Variants in EHMT1 observed in about 807,000 individuals in gnomAD.
EHMT1 encodes the protein euchromatic histone lysine methyltransferase 1.
In EHMT1, 15 loss-of-function variants were observed where a neutral mutation model predicts 147.2. The observed-to-expected ratio is 0.10, with a 90% CI of 0.07 to 0.16. The LOEUF (loss-of-function observed/expected upper bound fraction) is 0.16, where lower values mean the gene tolerates loss of function less well. Among genes scored for constraint, EHMT1 ranks in the 10% least tolerant of loss-of-function variants. The pLI, the probability that EHMT1 is intolerant of heterozygous loss-of-function variation, is 1.00. For missense variants in EHMT1, 1,587 were observed against 1,772.4 expected (o/e 0.90, Z 1.88); for synonymous variants, 795 against 709.6 (o/e 1.12, Z -1.91).
rs373083497 is a variant in EHMT1 at position 137,752,336 on chromosome 9, C to T, written c.1176C>T (p.Asp392=). Reference sequence around the variant, plus strand: ...TCGACTGTGTGGCTGATCAGATGGACGGGGAGTCCGAGGAGGAGCAGGAGT... The same window carrying T: ...TCGACTGTGTGGCTGATCAGATGGATGGGGAGTCCGAGGAGGAGCAGGAGT... ...MSEADRAQKM[D]GESEEEQESV... Residue 392 remains aspartate, a synonymous_variant, in exon 7 of 27, where the codon GAC becomes GAT. Transcript: ENST00000460843. The T allele has an allele frequency of 2.7e-4, 428 of 1,614,160 alleles. No individual in the cohort carries two copies. Among genetic ancestry groups the T allele is most frequent in the Non-Finnish European group, 3.5e-4 (410 of 1,180,020 alleles).
intron 3 of EHMT1, among the ~76,000 whole-genome samples, chr9:137,723,158 G>A (rs1331275581): frequency 1.5e-5 from 2 of 129,336 alleles, no homozygotes; most frequent in Non-Finnish European, 3.3e-5. Context: ...GTCTGTGTCC[G>A]TGGTTCTGGG....
At chr9:137,625,398 CTCACTA>C (rs1313627213) in intron 1 of EHMT1, among the ~76,000 whole-genome samples, 9 of 152,096 alleles carry the variant, frequency 5.9e-5, no homozygotes, top group Non-Finnish European at 1.3e-4. Context: ...GAGAGACAGT[CTCACTA>C]TGTTGCTCAG....
intron 18 of EHMT1, among the ~76,000 whole-genome samples, chr9:137,801,591 C>T (rs763361391): frequency 9.9e-5 from 15 of 152,110 alleles, no homozygotes; most frequent in East Asian, 1.9e-4. Context: ...CTCCACCTCC[C>T]GGGTTTAAGT....
rs142679858 is a variant in EHMT1 at position 137,817,490 on chromosome 9, C to T, written c.3426C>T (p.Ser1142=). 10 of 1,614,078 alleles carry T rather than the reference C, an allele frequency of 6.2e-6. No homozygotes were observed. The highest frequency in any genetic ancestry group is 2.7e-5 in the African/African-American group (2 of 74,934). The change falls in exon 24 of 27, where the codon TCC becomes TCT. Residue 1142 remains serine (S), a synonymous_variant. Coordinates refer to ENST00000460843, the MANE Select transcript of EHMT1 (RefSeq NM_024757.5). ...RTRDMGWGVR[S]LQDIPPGTFV... The stretch of plus-strand genomic sequence containing the variant: ...GGGACATGGGCTGGGGCGTGCGGTC[C>T]CTGCAGGACATCCCACCAGGCACCT...
chr9:137,827,844 C>T (rs367902309), intron 25 of EHMT1, among the ~76,000 whole-genome samples: 4 of 151,978 alleles, frequency 2.6e-5, no homozygotes, highest in East Asian at 1.9e-4. Flanking sequence ...TGTGCTTGCC[C>T]GAAACCTAGG....
chr9:137,820,470 G>C (rs773158344), intron 25 of EHMT1, among the ~76,000 whole-genome samples: 1 of 152,238 alleles, frequency 6.6e-6, no homozygotes, highest in African/African-American at 2.4e-5. Flanking sequence ...TCCTAATGAT[G>C]TCTAGGAGTG....
At chr9:137,727,962 C>T (rs1052128782) in intron 3 of EHMT1, among the ~76,000 whole-genome samples, 2 of 152,204 alleles carry the variant, frequency 1.3e-5, no homozygotes, top group Non-Finnish European at 2.9e-5. Context: ...TATTTTTTAG[C>T]TTAGTAAGTG....
chr9:137,659,952 A>T (rs1938899364), intron 1 of EHMT1, among the ~76,000 whole-genome samples: 1 of 151,422 alleles, frequency 6.6e-6, no homozygotes, highest in African/African-American at 2.4e-5. Context: ...TGCTTAGCCG[A>T]GGTTTTGTTT....
intron 1 of EHMT1, among the ~76,000 whole-genome samples, chr9:137,657,815 C>A (rs1938631920): frequency 6.6e-6 from 1 of 151,792 alleles, no homozygotes; most frequent in Admixed American, 6.6e-5. Context: ...ACCTCCACTC[C>A]ACTGCCCTTC....
intron 18 of EHMT1, among the ~76,000 whole-genome samples, chr9:137,810,449 A>C (rs1008617705): frequency 5.9e-5 from 9 of 152,338 alleles, no homozygotes; most frequent in African/African-American, 2.2e-4. Flanking sequence ...GGGGCGATAG[A>C]GTTAGGGATA....
At chr9:137,753,976 TGAGA>T (rs1443678916) in intron 7 of EHMT1, among the ~76,000 whole-genome samples, 191 bp from the exon 8 acceptor site, 2 of 152,210 alleles carry the variant, frequency 1.3e-5, no homozygotes, top group South Asian at 2.1e-4. Flanking sequence ...GGGACTGAGC[TGAGA>T]GAGTTAGGGA....
At chr9:137,692,583 A>G (rs574623077) in intron 1 of EHMT1, among the ~76,000 whole-genome samples, 24 of 152,094 alleles carry the variant, frequency 1.6e-4, no homozygotes, top group African/African-American at 5.3e-4. Flanking sequence ...GTGTTTTTCC[A>G]TCAACTTTTT....
chr9:137,717,871 A>G (rs1198510470), intron 3 of EHMT1, among the ~76,000 whole-genome samples: 1 of 152,222 alleles, frequency 6.6e-6, no homozygotes, highest in Non-Finnish European at 1.5e-5. Context: ...GGTTAGGGCC[A>G]GAATGTCACA....
At chr9:137,636,026 G>A (rs1359881404) in intron 1 of EHMT1, among the ~76,000 whole-genome samples, 1 of 151,162 alleles carries the variant, frequency 6.6e-6, no homozygotes, top group South Asian at 2.1e-4. Flanking sequence ...GGTTCAAGCA[G>A]TTCTCCTGCC....
chr9:137,678,844 G>A (rs1258927161), intron 1 of EHMT1, among the ~76,000 whole-genome samples: 1 of 152,056 alleles, frequency 6.6e-6, no homozygotes, highest in Non-Finnish European at 1.5e-5. Context: ...CACAGGGACA[G>A]AGAAAGGACT....
intron 2 of EHMT1, among the ~76,000 whole-genome samples, chr9:137,712,215 C>G (rs72766924): frequency 0.028 from 4,287 of 152,328 alleles, 99 homozygotes; most frequent in Non-Finnish European, 0.039. Context: ...CCTTCTCTCC[C>G]TGGTCACCCC....
Position 137,813,879 on chromosome 9 carries a change from C to T in EHMT1, c.3180+349C>T, listed in dbSNP as rs908106742. On this transcript the variant is annotated intron_variant, in intron 21 of 26. Coordinates refer to ENST00000460843, the MANE Select transcript of EHMT1 (RefSeq NM_024757.5). The surrounding 1 kb of genome is among the most constrained non-coding windows in gnomAD (Gnocchi z 4.9). ...AGGAGCCCTTGCGAGGCCTGCAGGA[C>T]GACCTGGATCCCTGCACCTCCCAGC... Among the ~76,000 whole-genome samples, 6 of 152,162 alleles carry T rather than the reference C, an allele frequency of 3.9e-5. No homozygotes were observed. The highest frequency in any genetic ancestry group is 9.7e-5 in the African/African-American group (4 of 41,444).
intron 10 of EHMT1, 72 bp downstream of exon 10, chr9:137,762,892 G>T (rs1479386174): frequency 1.9e-6 from 3 of 1,600,848 alleles, no homozygotes; most frequent in Non-Finnish European, 2.6e-6. Flanking sequence ...CAGGGGCCCC[G>T]ACAGCCCCTC....
At chr9:137,780,405 C>T (rs1487954033) in intron 14 of EHMT1, among the ~76,000 whole-genome samples, 2 of 124,610 alleles carry the variant, frequency 1.6e-5, no homozygotes, top group Non-Finnish European at 3.3e-5. Flanking sequence ...GTGGTGATGA[C>T]GCTGGGATGT....
Sources: allele counts gnomAD v4.1 joint callset (sites outside exome capture counted in the v4.1 genomes callset), GRCh38; gene constraint gnomAD v4.1.1; non-coding constraint Gnocchi (gnomAD v3.1); transcripts MANE v1.5; gene names NCBI Gene and HGNC (gene_info 2026-07-23, HGNC 2026-07-21).